The following UNC5A variants were observed in gnomAD, a reference collection of about 807,000 sequenced individuals.
The protein encoded by UNC5A is netrin receptor UNC5A.
A neutral mutation model predicts 87.4 loss-of-function variants in UNC5A; 20 were observed. The ratio of observed to expected loss-of-function variants is 0.23; its 90% confidence interval spans 0.16 to 0.33. The LOEUF (loss-of-function observed/expected upper bound fraction) is 0.33, where lower values mean the gene tolerates loss of function less well. Among genes scored for constraint, UNC5A ranks in the 10% least tolerant of loss-of-function variants. UNC5A has a pLI of 1.00. For missense variants in UNC5A, 844 were observed against 1,133.4 expected, an observed-to-expected ratio of 0.74 and a Z score of 3.67; for synonymous variants, 438 against 482.3, an observed-to-expected ratio of 0.91 and a Z score of 1.20.
At chr5:176,850,417 G>C (rs900252247) in intron 1 of UNC5A, among the ~76,000 whole-genome samples, 3 of 152,140 alleles carry the variant, frequency 2.0e-5, no homozygotes, top group African/African-American at 7.2e-5. Context: ...GGCACACTTT[G>C]GGTGGTGGGG....
intron 1 of UNC5A, among the ~76,000 whole-genome samples, chr5:176,828,585 C>T (rs185362688): frequency 7.2e-5 from 11 of 152,344 alleles, no homozygotes; most frequent in Non-Finnish European, 1.3e-4. Context: ...AGCGAGGTTC[C>T]CCCTGGGCCT....
chr5:176,844,437 C>T lies in UNC5A; in HGVS notation c.71-18187C>T, dbSNP rs567649925. On this transcript the variant is annotated intron_variant, in intron 1 of 14. Coordinates refer to ENST00000329542, the MANE Select transcript of UNC5A (RefSeq NM_133369.3). The surrounding 1 kb of genome is among the most constrained non-coding windows in gnomAD (Gnocchi z 4.2). ...GAGGCCAGGGGAAGTTTATGTCCAC[C>T]CACGGTGTCCCAGCTGAGCGAGAAG... Among the ~76,000 whole-genome samples the T allele has an allele frequency of 9.2e-5, 14 of 152,196 alleles. No homozygotes were observed. The highest frequency in any genetic ancestry group is 7.2e-4 in the Admixed American group (11 of 15,258).
chr5:176,822,508 G>A (rs1756752186), intron 1 of UNC5A, among the ~76,000 whole-genome samples: 1 of 152,216 alleles, frequency 6.6e-6, no homozygotes, highest in Admixed American at 6.5e-5. Context: ...GCGTGGTGAA[G>A]GGTGAGTCAC....
intron 1 of UNC5A, among the ~76,000 whole-genome samples, chr5:176,845,451 C>G (rs143858868): frequency 1.4e-4 from 22 of 152,362 alleles, no homozygotes; most frequent in Non-Finnish European, 2.4e-4. Flanking sequence ...GGCCCCTGCC[C>G]GTTCCCCGAG....
chr5:176,832,162 G>A (rs537060884), intron 1 of UNC5A, among the ~76,000 whole-genome samples: 50 of 152,292 alleles, frequency 3.3e-4, no homozygotes, highest in South Asian at 1.2e-3. Flanking sequence ...CTCCCAAAGT[G>A]CTGGGATTGC....
At chr5:176,831,425 G>T (rs1208537793) in intron 1 of UNC5A, among the ~76,000 whole-genome samples, 3 of 152,194 alleles carry the variant, frequency 2.0e-5, no homozygotes, top group African/African-American at 7.2e-5. Flanking sequence ...ACACAGCGGG[G>T]ATACTGGCCT....
At chr5:176,862,965 G>A in intron 2 of UNC5A, 120 bp downstream of exon 2, 2 of 1,163,576 alleles carry the variant, frequency 1.7e-6, no homozygotes, top group Non-Finnish European at 2.5e-6. Context: ...CTTCCCCAGA[G>A]GCCACAACCC....
At chr5:176,847,619 C>G (rs1388871472) in intron 1 of UNC5A, among the ~76,000 whole-genome samples, 1 of 152,036 alleles carries the variant, frequency 6.6e-6, no homozygotes, top group South Asian at 2.1e-4. Flanking sequence ...TTAGCTGCAG[C>G]GATAACAGCA....
At chr5:176,877,848 G>A (rs1010435166) in intron 10 of UNC5A, 46 bp from the exon 11 acceptor site, 1 of 1,559,470 alleles carries the variant, frequency 6.4e-7, no homozygotes, top group Non-Finnish European at 8.7e-7. Flanking sequence ...GCTGGCCCTA[G>A]GGCTCTGAGG....
intron 1 of UNC5A, among the ~76,000 whole-genome samples, chr5:176,857,479 C>T (rs2113644168): frequency 6.6e-6 from 1 of 152,070 alleles, no homozygotes; most frequent in Admixed American, 6.5e-5. Context: ...CCCCGTTGGC[C>T]CCCAGCCTCC....
At chr5:176,828,484 C>T (rs577637637) in intron 1 of UNC5A, among the ~76,000 whole-genome samples, 17 of 152,152 alleles carry the variant, frequency 1.1e-4, no homozygotes, top group African/African-American at 4.1e-4. Flanking sequence ...CCCAAGAGTC[C>T]CTTGAGGGCA....
At chr5:176,833,857 C>T (rs549138444) in intron 1 of UNC5A, among the ~76,000 whole-genome samples, 2 of 151,904 alleles carry the variant, frequency 1.3e-5, no homozygotes, top group African/African-American at 4.8e-5. Context: ...TACAGGCGCC[C>T]ACCACTACGC....
chr5:176,829,139 A>AT (rs1756925525), intron 1 of UNC5A, among the ~76,000 whole-genome samples: 1 of 138,686 alleles, frequency 7.2e-6, no homozygotes, highest in African/African-American at 2.9e-5. Flanking sequence ...CTCAAAAAAA[A>AT]AAAAAAAAAG....
intron 2 of UNC5A, among the ~76,000 whole-genome samples, chr5:176,867,806 A>G (rs762458887): frequency 1.3e-5 from 2 of 151,914 alleles, no homozygotes; most frequent in African/African-American, 4.8e-5. Context: ...CCAAAGCTCT[A>G]CGGCAGCCCC....
chr5:176,810,860 G>A lies in UNC5A; in HGVS notation c.70+40G>A. ...GCGCGCTCTGGGGAGGCTTGCGGGGGACCGTGCGCGCGAACGCTCGCTGCT... is the reference window on the plus strand; with the variant it reads ...GCGCGCTCTGGGGAGGCTTGCGGGGAACCGTGCGCGCGAACGCTCGCTGCT... On this transcript the variant is annotated intron_variant, in intron 1 of 14. Transcript: ENST00000329542. The surrounding 1 kb of genome is among the most constrained non-coding windows in gnomAD (Gnocchi z 7.3). The A allele has an allele frequency of 8.2e-7, 1 of 1,216,828 alleles. No individual in the cohort carries two copies. The highest frequency in any genetic ancestry group is 1.0e-6 in the Non-Finnish European group (1 of 977,894). 75.4% of individuals were successfully genotyped at this position (1,216,828 alleles called of 1,614,324 possible).
Position 176,810,777 on chromosome 5 carries a change from A to C in UNC5A, c.27A>C (p.Pro9=). 1 of 1,205,298 alleles carries C rather than the reference A, an allele frequency of 8.3e-7. No homozygotes were observed. Among genetic ancestry groups the C allele is most frequent in the African/African-American group, 1.6e-5 (1 of 62,844 alleles). The allele number at this position is 1,205,298 out of a possible 1,614,324, so 74.7% of individuals were successfully genotyped here. ...TGGCCGTCCGGCCCGGCCTGTGGCC[A>C]GCGCTCCTGGGCATAGTCCTCGCCG... MAVRPGLW[P]ALLGIVLAAW... The change falls in exon 1 of 15, where the codon CCA becomes CCC. Residue 9 remains proline, a synonymous_variant. Transcript: ENST00000329542. This position sits in a 1 kb window ranked among gnomAD's most constrained non-coding sequence, Gnocchi z 7.3.
chr5:176,867,064 G>C (rs143488165), intron 2 of UNC5A, among the ~76,000 whole-genome samples: 1 of 152,130 alleles, frequency 6.6e-6, no homozygotes, highest in Non-Finnish European at 1.5e-5. Flanking sequence ...TCAGCTGGGC[G>C]GCCGCTCTTC....
rs1757275975 is a variant in UNC5A, at chr5:176,841,484, A to G, written c.71-21140A>G. Among the ~76,000 whole-genome samples, 1 of 152,220 alleles carries G rather than the reference A, an allele frequency of 6.6e-6. No homozygotes were observed. Among genetic ancestry groups the G allele is most frequent in the Non-Finnish European group, 1.5e-5 (1 of 68,032 alleles). Reference sequence around the variant, plus strand: ...CATGTGCAGCAGTGTGGCTGTGGACATGTTATTGATTGAATGTCTCTGAGC... The same window carrying G: ...CATGTGCAGCAGTGTGGCTGTGGACGTGTTATTGATTGAATGTCTCTGAGC... On this transcript the variant is annotated intron_variant, in intron 1 of 14. Coordinates refer to ENST00000329542, the MANE Select transcript of UNC5A (RefSeq NM_133369.3). The surrounding 1 kb of genome is among the most constrained non-coding windows in gnomAD (Gnocchi z 4.1).
intron 1 of UNC5A, among the ~76,000 whole-genome samples, chr5:176,856,273 G>A (rs1757665374): frequency 6.6e-6 from 1 of 152,246 alleles, no homozygotes; most frequent in African/African-American, 2.4e-5. Flanking sequence ...TGAGGAAAGG[G>A]GCTGAGCCTA....
Sources: allele counts gnomAD v4.1 joint callset (sites outside exome capture counted in the v4.1 genomes callset), GRCh38; gene constraint gnomAD v4.1.1; non-coding constraint Gnocchi (gnomAD v3.1); transcripts MANE v1.5; gene names NCBI Gene and HGNC (gene_info 2026-07-23, HGNC 2026-07-21).